ABCG2: variants seen among roughly 807,000 people sequenced by gnomAD.
ABCG2 encodes the protein ATP binding cassette subfamily G member 2 (JR blood group).
A neutral mutation model predicts 73.5 loss-of-function variants in ABCG2; 80 were observed. The observed-to-expected ratio is 1.09, with a 90% confidence interval of 0.91 to 1.31. The LOEUF (loss-of-function observed/expected upper bound fraction) is 1.31. ABCG2 is among the 50% of genes most tolerant of loss of function. ABCG2 has a pLI of 0.00. For missense variants in ABCG2, 796 were observed against 786.2 expected (o/e 1.01, Z -0.15); for synonymous variants, 269 against 282.4 (o/e 0.95, Z 0.48).
chr4:88,201,343 A>G (rs994728499), intron 1 of ABCG2, among the ~76,000 whole-genome samples: 1 of 152,174 alleles, frequency 6.6e-6, no homozygotes, highest in African/African-American at 2.4e-5. Context: ...CCCCACAGAC[A>G]TTGAAAGGAT....
At chr4:88,230,938 A>C (rs1730440320) in intron 1 of ABCG2, 1 of 152,248 alleles carries the variant, frequency 6.6e-6, no homozygotes, top group South Asian at 2.1e-4. Context: ...ATCAAAAAAG[A>C]ATCAAGATTT....
chr4:88,177,108 C>T (rs1266001000), intron 1 of ABCG2, among the ~76,000 whole-genome samples: 1 of 152,210 alleles, frequency 6.6e-6, no homozygotes, highest in African/African-American at 2.4e-5. Context: ...CGCAGTGGCT[C>T]ACGCCTGTAA....
chr4:88,178,689 C>T (rs946944866), intron 1 of ABCG2, among the ~76,000 whole-genome samples: 1 of 152,150 alleles, frequency 6.6e-6, no homozygotes, highest in African/African-American at 2.4e-5. Context: ...GGGGAGCCCA[C>T]TGCCTGAAGG....
chr4:88,147,967 C>T (rs1218089661), intron 1 of ABCG2, among the ~76,000 whole-genome samples: 3 of 152,158 alleles, frequency 2.0e-5, no homozygotes, highest in Admixed American at 2.0e-4. Flanking sequence ...AATGTCCTTC[C>T]CCACCTGAAT....
Position 88,091,957 on chromosome 4 carries a change from C to A in ABCG2, c.*277G>T. 1 of 270,440 alleles carries A rather than the reference C, an allele frequency of 3.7e-6. No individual in the cohort carries two copies. Among genetic ancestry groups the A allele is most frequent in the Non-Finnish European group, 7.0e-6 (1 of 143,640 alleles). The allele number at this position is 270,440 out of a possible 1,614,324, so 16.8% of individuals were successfully genotyped here. A position where few individuals can be genotyped will look rare whatever the true frequency, so the allele number is the denominator to read the frequency against. ...TAACTTGTCAGGAGTTTCCAGAATT[C>A]AATTCTCCTTTTTTAGATTAATAAA... is the stretch of plus-strand genomic sequence containing the variant. On this transcript the variant is annotated 3_prime_UTR_variant, in exon 16 of 16. Transcript: ENST00000237612.
chr4:88,227,588 T>C (rs1309853292), intron 1 of ABCG2, among the ~76,000 whole-genome samples: 1 of 152,116 alleles, frequency 6.6e-6, no homozygotes, highest in Non-Finnish European at 1.5e-5. Context: ...GCCTGGGGCC[T>C]GACCTAGGGA....
At chr4:88,114,856 C>A in intron 8 of ABCG2, 101 bp downstream of exon 8, 1 of 694,344 alleles carries the variant, frequency 1.4e-6, no homozygotes, top group South Asian at 2.1e-5. Context: ...AAGACTGCAT[C>A]AACAGAAATT....
chr4:88,104,268 C>A (rs1196857410), intron 10 of ABCG2, among the ~76,000 whole-genome samples: 1 of 152,202 alleles, frequency 6.6e-6, no homozygotes, highest in Non-Finnish European at 1.5e-5. Flanking sequence ...GTGCTTTCCT[C>A]TCTCAGAGAA....
rs140044879 is a variant in ABCG2 at position 88,095,150 on chromosome 4, A to C, written c.1737+370T>G. ...TGCAAAAGCCAATATGACTATGCTT[A>C]TTATATGGTCTTTGCTCTTCTAATT... On this transcript the variant is annotated intron_variant, in intron 14 of 15. Coordinates refer to ENST00000237612, the MANE Select transcript of ABCG2 (RefSeq NM_004827.3). Among the ~76,000 whole-genome samples, 5 of 152,332 alleles carry C rather than the reference A, an allele frequency of 3.3e-5. No individual in the cohort carries two copies. The East Asian group carries it at 9.6e-4, about 29-fold the overall frequency.
rs574028832 is a variant in ABCG2 at position 88,198,401 on chromosome 4, G to A, written c.-20+32593C>T. On this transcript the variant is annotated intron_variant, in intron 1 of 15. Transcript: ENST00000515655. ...TAATCCCAGCACTTTGGGGGACCCA[G>A]GCAGGAAAATCAGTTGAAGCTAGGA... 2.6e-5 allele frequency among the ~76,000 whole-genome samples: 4 copies of A among 152,166 alleles called. No homozygotes were observed. The South Asian group carries it at 8.3e-4, about 32-fold the overall frequency.
chr4:88,118,305 C>T (rs1723740372), intron 6 of ABCG2, 45 bp from the exon 7 acceptor site: 5 of 1,591,670 alleles, frequency 3.1e-6, no homozygotes, highest in African/African-American at 2.7e-5. Context: ...ATATCTGAAA[C>T]TTGTATTTCT....
chr4:88,097,637 C>T, intron 12 of ABCG2, 30 bp from the exon 13 acceptor site: 1 of 1,610,218 alleles, frequency 6.2e-7, no homozygotes, highest in South Asian at 1.1e-5. Context: ...AGTAGTTAAC[C>T]CAACTGCCTA....
At chr4:88,207,258 A>T (rs1348877011) in intron 1 of ABCG2, among the ~76,000 whole-genome samples, 2 of 152,200 alleles carry the variant, frequency 1.3e-5, no homozygotes. Flanking sequence ...AACACTACAG[A>T]GTTACCAGCT....
intron 1 of ABCG2, among the ~76,000 whole-genome samples, chr4:88,213,741 G>T (rs1371760676): frequency 6.6e-6 from 1 of 151,898 alleles, no homozygotes; most frequent in Non-Finnish European, 1.5e-5. Context: ...AGAGTGCAGT[G>T]GTGCGATCTT....
At chr4:88,203,768 AAAAG>A (rs1279496862) in intron 1 of ABCG2, among the ~76,000 whole-genome samples, 2 of 151,436 alleles carry the variant, frequency 1.3e-5, no homozygotes, top group Admixed American at 1.3e-4. Flanking sequence ...AAAAAAAAAA[AAAAG>A]AAAGAAACTT....
chr4:88,099,566 A>G (rs1463735890), intron 11 of ABCG2, 118 bp from the exon 12 acceptor site: 1 of 1,071,184 alleles, frequency 9.3e-7, no homozygotes, highest in East Asian at 2.6e-5. Flanking sequence ...CCAGCTTCCC[A>G]CATCCTCAGG....
At chr4:88,158,025 A>G (rs1727067782) in intron 1 of ABCG2, among the ~76,000 whole-genome samples, 1 of 152,212 alleles carries the variant, frequency 6.6e-6, no homozygotes, top group South Asian at 2.1e-4. Context: ...ACCCCTTTAA[A>G]ATATTAACAT....
In ABCG2 at chr4:88,099,337, C is replaced by T. The variant is rs1334958173; in HGVS notation, c.1479G>A (p.Val493=). 5 of 1,603,894 alleles carry T rather than the reference C, an allele frequency of 3.1e-6. No homozygotes were observed. The highest frequency in any genetic ancestry group is 1.3e-5 in the African/African-American group (1 of 74,560). Reference sequence around the variant, plus strand: ...TTACATACTTACCTAACATGAAGTACACTATACAGGTAAATATAATACTTG... The same window carrying T: ...TTACATACTTACCTAACATGAAGTATACTATACAGGTAAATATAATACTTG... ...MLPSIIFTCI[V]YFMLGLKPKA... The change falls in exon 12 of 16, where the codon GTG becomes GTA. Residue 493 remains valine (V), a synonymous_variant. Coordinates refer to ENST00000237612, the MANE Select transcript of ABCG2 (RefSeq NM_004827.3).
At chr4:88,191,775 A>T (rs1262476031) in intron 1 of ABCG2, among the ~76,000 whole-genome samples, 1 of 152,240 alleles carries the variant, frequency 6.6e-6, no homozygotes, top group Non-Finnish European at 1.5e-5. Context: ...ATCGTTCAGC[A>T]ATCAAAATTA....
Sources: allele counts gnomAD v4.1 joint callset (sites outside exome capture counted in the v4.1 genomes callset), GRCh38; gene constraint gnomAD v4.1.1; transcripts MANE v1.5; gene names NCBI Gene and HGNC (gene_info 2026-07-23, HGNC 2026-07-21).